ACACA: variants seen among roughly 807,000 people sequenced by gnomAD.
The protein encoded by ACACA is acetyl-CoA carboxylase alpha.
ACACA carries 103 observed loss-of-function variants against 296.1 expected under a neutral mutation model. The observed-to-expected ratio is 0.35, with a 90% CI of 0.30 to 0.41. ACACA has a LOEUF of 0.41. Ranked by LOEUF, ACACA falls within the 10% of genes least tolerant of loss-of-function variation. The pLI, the probability that ACACA is intolerant of heterozygous loss-of-function variation, is 1.00. For missense variants in ACACA, 1,554 were observed against 2,989.7 expected (o/e 0.52, Z 11.20); for synonymous variants, 953 against 1,038.6 (o/e 0.92, Z 1.58).
At chr17:37,352,562 A>G (rs2147494173) in intron 1 of ACACA, among the ~76,000 whole-genome samples, 1 of 152,028 alleles carries the variant, frequency 6.6e-6, no homozygotes, top group Admixed American at 6.6e-5. Context: ...AAATTAAGAA[A>G]AAAAAAAATA....
chr17:37,156,979 C>T (rs2076277591), intron 42 of ACACA, among the ~76,000 whole-genome samples: 1 of 152,126 alleles, frequency 6.6e-6, no homozygotes, highest in African/African-American at 2.4e-5. Flanking sequence ...AGGTACTATT[C>T]CAGGCACTGG....
At chr17:37,387,113 G>A (rs1714988) in intron 1 of ACACA, 30,378 of 151,938 alleles carry the variant, frequency 0.2, 3,447 homozygotes, top group East Asian at 0.54. Flanking sequence ...CACCACGCCC[G>A]TCCCCAAGAG....
At chr17:37,105,401 C>A (rs999704585) in intron 52 of ACACA, among the ~76,000 whole-genome samples, 2 of 152,126 alleles carry the variant, frequency 1.3e-5, no homozygotes, top group East Asian at 3.9e-4. Flanking sequence ...CGCTTGAACT[C>A]GGGAGGCAGA....
intron 1 of ACACA, chr17:37,391,629 T>C (rs1568098238): frequency 6.2e-7 from 1 of 1,610,856 alleles, no homozygotes; most frequent in Non-Finnish European, 8.5e-7. Flanking sequence ...AACTTTCATA[T>C]TTCCTTTCAA....
chr17:37,390,330 A>ATATCTATATCTATATC (rs1555672373), intron 1 of ACACA, among the ~76,000 whole-genome samples: 1 of 41,582 alleles, frequency 2.4e-5, no homozygotes, highest in African/African-American at 1.3e-4. Context: ...ATATATATAT[A>ATATCTATATCTATATC]TATAAAAGGC....
At chr17:37,301,930 T>C (rs558161268) in intron 3 of ACACA, among the ~76,000 whole-genome samples, 3 of 152,326 alleles carry the variant, frequency 2.0e-5, no homozygotes, top group South Asian at 4.1e-4. Flanking sequence ...TTGAGTCCTC[T>C]AATCCATGAA....
intron 35 of ACACA, among the ~76,000 whole-genome samples, chr17:37,196,874 T>A (rs930977935): frequency 6.6e-6 from 1 of 152,198 alleles, no homozygotes; most frequent in African/African-American, 2.4e-5. Context: ...TATTTTCAGA[T>A]GAACATCATG....
intron 11 of ACACA, among the ~76,000 whole-genome samples, chr17:37,262,748 G>T (rs957059316): frequency 3.9e-5 from 6 of 152,004 alleles, no homozygotes; most frequent in Non-Finnish European, 8.8e-5. Flanking sequence ...TATTTGTTTT[G>T]AGATGGGGTC....
Position 37,155,664 on chromosome 17 carries a change from C to T in ACACA, c.5447+19G>A, listed in dbSNP as rs1294824253. 1 of 1,546,212 alleles carries T rather than the reference C, an allele frequency of 6.5e-7. No individual in the cohort carries two copies. The highest frequency in any genetic ancestry group is 1.4e-5 in the African/African-American group (1 of 73,532). The stretch of plus-strand genomic sequence containing the variant: ...TTTCTTTAGTCATGACCAAATTATT[C>T]CAATACATATATACCTACCTGGATT... On this transcript the variant is annotated intron_variant, in intron 43 of 55. Coordinates refer to ENST00000616317, the MANE Select transcript of ACACA (RefSeq NM_198834.3).
chr17:37,385,891 A>C, intron 1 of ACACA: 1 of 648,278 alleles, frequency 1.5e-6, no homozygotes, highest in Non-Finnish European at 2.7e-6. Context: ...ATGGACAGAC[A>C]GGTTAATGGG....
rs1385060415 is a variant in ACACA at position 37,101,389 on chromosome 17, C to T, written c.6566-3405G>A. ...GCTAATATTTATAGGGTACTGGGCA[C>T]CATTCTAAGTGCTTTATATCTATTA... is the stretch of plus-strand genomic sequence containing the variant. On this transcript the variant is annotated intron_variant, in intron 52 of 55. Coordinates refer to ENST00000616317, the MANE Select transcript of ACACA (RefSeq NM_198834.3). Among the ~76,000 whole-genome samples the T allele has an allele frequency of 2.0e-5, 3 of 152,120 alleles. No individual in the cohort carries two copies. The South Asian group carries it at 6.2e-4, about 32-fold the overall frequency.
chr17:37,113,858 A>G lies in ACACA; in HGVS notation c.6275-593T>C, dbSNP rs117491340. ...TGAATGAATGCTGAATAAATTAGTT[A>G]TATACTCTGGAAAGAATATAATGAG... On this transcript the variant is annotated intron_variant, in intron 50 of 55. Transcript: ENST00000616317. This position sits in a 1 kb window ranked among gnomAD's most constrained non-coding sequence, Gnocchi z 4.0. Among the ~76,000 whole-genome samples the G allele has an allele frequency of 3.3e-4, 51 of 152,372 alleles. No homozygotes were observed. The South Asian group carries it at 3.7e-3, about 11-fold the overall frequency.
At chr17:37,143,566 TA>T (rs2075688990) in intron 45 of ACACA, 5 of 610,810 alleles carry the variant, frequency 8.2e-6, no homozygotes, top group Non-Finnish European at 1.4e-5. Context: ...CCATACAGTT[TA>T]AAAAAATTCT....
rs2076991310 is a variant in ACACA, at chr17:37,173,997, TATATATATATATATATATATA to T, written c.5079+5242_5079+5262del. Among the ~76,000 whole-genome samples, 88 of 11,610 alleles carry T rather than the reference TATATATATATATATATATATA, an allele frequency of 7.6e-3. 4 individuals are homozygous for T. The highest frequency in any genetic ancestry group is 0.021 in the African/African-American group (83 of 3,910). The allele number at this position is 11,610 out of a possible 152,430, so 7.6% of individuals were successfully genotyped here. On this transcript the variant is annotated intron_variant, in intron 41 of 55. Coordinates refer to ENST00000616317, the MANE Select transcript of ACACA (RefSeq NM_198834.3). ...CCTGGCTAATTTATATATATATATA[TATATATATATATATATATATA>T]TATTTTTTTTTTTTTTTTTTTTTGT...
chr17:37,280,493 C>T (rs930343110), intron 5 of ACACA, among the ~76,000 whole-genome samples: 1 of 152,136 alleles, frequency 6.6e-6, no homozygotes, highest in African/African-American at 2.4e-5. Flanking sequence ...AGGCGTAAAC[C>T]ACCATGCCTG....
In ACACA at chr17:37,240,559, C is replaced by T. The variant is rs1223416494; in HGVS notation, c.3038G>A (p.Arg1013Gln). 6.2e-7 allele frequency: 1 copy of T among 1,612,060 alleles called. No homozygotes were observed. Among genetic ancestry groups the T allele is most frequent in the Non-Finnish European group, 8.5e-7 (1 of 1,179,760 alleles). The stretch of plus-strand genomic sequence containing the variant: ...CTTCATGTGGCCTCGGATGCCACTT[C>T]GGTACCTAGGCAAATAGAAAGTCTC... Reference protein sequence around the residue: ...QSIVQLVQRYRSGIRGHMKAV... With the variant: ...QSIVQLVQRYQSGIRGHMKAV... The change falls in exon 24 of 56, where the codon CGA becomes CAA. Residue 1013 changes from arginine to glutamine, a missense_variant. Transcript: ENST00000616317.
intron 42 of ACACA, among the ~76,000 whole-genome samples, chr17:37,160,668 G>T (rs905839043): frequency 6.6e-6 from 1 of 152,224 alleles, no homozygotes; most frequent in African/African-American, 2.4e-5. Flanking sequence ...TAAAAGCACA[G>T]AGTAAGCAGA....
intron 29 of ACACA, among the ~76,000 whole-genome samples, chr17:37,212,546 G>C (rs142370798): frequency 1.2e-3 from 187 of 152,282 alleles, no homozygotes; most frequent in African/African-American, 4.3e-3. Context: ...AATCTGTGGG[G>C]ATGTAAGGGA....
At chr17:37,231,762 A>C (rs1169274167) in intron 25 of ACACA, among the ~76,000 whole-genome samples, 1 of 152,248 alleles carries the variant, frequency 6.6e-6, no homozygotes. Context: ...GTACATTGCC[A>C]TCTAGACAGC....
Sources: allele counts gnomAD v4.1 joint callset (sites outside exome capture counted in the v4.1 genomes callset), GRCh38; gene constraint gnomAD v4.1.1; non-coding constraint Gnocchi (gnomAD v3.1); transcripts MANE v1.5; gene names NCBI Gene and HGNC (gene_info 2026-07-23, HGNC 2026-07-21).